TMEM209: variants seen among roughly 807,000 people sequenced by gnomAD.
TMEM209 encodes the protein transmembrane protein 209, also known as testicular tissue protein Li 202.
TMEM209 carries 65 observed loss-of-function variants against 76.2 expected under a neutral mutation model. The observed-to-expected ratio is 0.85, with a 90% CI of 0.70 to 1.05. The LOEUF (loss-of-function observed/expected upper bound fraction) is 1.05. Among genes scored for constraint, TMEM209 ranks in the 50% least tolerant of loss-of-function variants. TMEM209 has a pLI of 0.00. For synonymous variants in TMEM209, 239 were observed against 237.6 expected, an observed-to-expected ratio of 1.01 and a Z score of -0.06; for missense variants, 623 against 685.5, an observed-to-expected ratio of 0.91 and a Z score of 1.02.
At chr7:130,204,348 T>C (rs917684697) in intron 1 of TMEM209, among the ~76,000 whole-genome samples, 22 of 152,148 alleles carry the variant, frequency 1.4e-4, no homozygotes, top group African/African-American at 5.1e-4. Flanking sequence ...GTTATTTATC[T>C]ATTTATTTGT....
At chr7:130,168,900 A>G (rs186212729) in intron 14 of TMEM209, among the ~76,000 whole-genome samples, 96 of 152,336 alleles carry the variant, frequency 6.3e-4, no homozygotes, top group Non-Finnish European at 1.1e-3. Flanking sequence ...ATGCCTCAAT[A>G]AAGTTAGTTT....
intron 5 of TMEM209, among the ~76,000 whole-genome samples, chr7:130,197,445 G>T (rs1798026500): frequency 6.6e-6 from 1 of 152,204 alleles, no homozygotes. Context: ...AACAGTGGTT[G>T]CCAGAGACTT....
chr7:130,194,957 T>C (rs1410185049), intron 5 of TMEM209, among the ~76,000 whole-genome samples: 1 of 152,162 alleles, frequency 6.6e-6, no homozygotes, highest in Non-Finnish European at 1.5e-5. Context: ...GATTTCTCTT[T>C]TATTTTTAAA....
At chr7:130,185,104 A>G (rs1030549008) in intron 7 of TMEM209, 88 bp downstream of exon 7, 36 of 1,400,852 alleles carry the variant, frequency 2.6e-5, no homozygotes, top group Non-Finnish European at 3.4e-5. Context: ...AACAGAATGG[A>G]AGATTACAGA....
chr7:130,183,434 C>A (rs998695768), intron 8 of TMEM209, among the ~76,000 whole-genome samples: 3 of 152,146 alleles, frequency 2.0e-5, no homozygotes, highest in African/African-American at 4.8e-5. Flanking sequence ...AGTAGGCTAC[C>A]ATTTTTTGCC....
At position 130,202,011 on chromosome 7, in the gene TMEM209, T is replaced by C; in HGVS notation, c.412A>G (p.Ser138Gly). 6.2e-7 allele frequency: 1 copy of C among 1,613,720 alleles called. No homozygotes were observed. The highest frequency in any genetic ancestry group is 8.5e-7 in the Non-Finnish European group (1 of 1,179,812). The change falls in exon 5 of 15, where the codon AGT becomes GGT. Residue 138 changes from serine (S) to glycine (G), a missense_variant. By Grantham distance (56) the Ser-to-Gly change is moderately conservative. Transcript: ENST00000397622. ...APPSPSIQGQ[S>G]VLSYSPSRSP... ...CGAGAAGGGCTATAACTCAACACAC[T>C]CTGACCCTGAATTGAAGGGGAAGGT...
chr7:130,198,126 T>C (rs1798053638), intron 5 of TMEM209, among the ~76,000 whole-genome samples: 1 of 152,238 alleles, frequency 6.6e-6, no homozygotes, highest in South Asian at 2.1e-4. Flanking sequence ...TTTATAGATT[T>C]GCCCATTCTG....
intron 5 of TMEM209, among the ~76,000 whole-genome samples, chr7:130,200,976 C>A (rs1163534346): frequency 6.7e-6 from 1 of 149,800 alleles, no homozygotes; most frequent in East Asian, 2.0e-4. Context: ...GTAGTCCCAG[C>A]TACTCGGGAG....
chr7:130,168,822 T>C (rs1401282085), intron 14 of TMEM209, among the ~76,000 whole-genome samples: 1 of 152,212 alleles, frequency 6.6e-6, no homozygotes, highest in African/African-American at 2.4e-5. Flanking sequence ...TGCTGTGTTA[T>C]TTAAATACTT....
At position 130,170,416 on chromosome 7, in the gene TMEM209, CTT is replaced by C; in HGVS notation, c.1613_1614del (p.Lys538ArgfsTer9). The stretch of plus-strand genomic sequence containing the variant: ...AGTACCTACCCAAGCATTCCTGACT[CTT>C]TGGTCTTTATGATGTAGAGAAACAT... ...LLMFLYIIKT[K>X]ESGMLGRVNL... On this transcript the variant is annotated frameshift_variant, in exon 14 of 15. Coordinates refer to ENST00000397622, the MANE Select transcript of TMEM209 (RefSeq NM_032842.4). LOFTEE classifies it high-confidence loss of function. 1.2e-6 allele frequency: 2 copies of C among 1,612,848 alleles called. No homozygotes were observed. Among genetic ancestry groups the C allele is most frequent in the Non-Finnish European group, 1.7e-6 (2 of 1,179,590 alleles).
chr7:130,172,998 C>CAAAAAA (rs67876495), intron 13 of TMEM209, among the ~76,000 whole-genome samples: 2 of 86,686 alleles, frequency 2.3e-5, no homozygotes, highest in Non-Finnish European at 2.1e-5. Flanking sequence ...GACTCTATCT[C>CAAAAAA]AAAAAAAAAA....
rs768539854 is a variant in TMEM209 at position 130,170,455 on chromosome 7, GA to G, written c.1575del (p.His526IlefsTer4). On this transcript the variant is annotated frameshift_variant, in exon 14 of 15. Coordinates refer to ENST00000397622, the MANE Select transcript of TMEM209 (RefSeq NM_032842.4). LOFTEE classifies it high-confidence loss of function. ...ATGTAGAGAAACATCAACAATGTAT[GA>G]AACATATTATTTCTGCCCTGGAACA... is the stretch of plus-strand genomic sequence containing the variant. Reference protein sequence around the residue: ...YNLPKGRNNMFHTLLMFLYII... With the variant: ...YNLPKGRNNMXHTLLMFLYII... 1 of 1,612,408 alleles carries G rather than the reference GA, an allele frequency of 6.2e-7. No individual in the cohort carries two copies. The highest frequency in any genetic ancestry group is 8.5e-7 in the Non-Finnish European group (1 of 1,179,414).
At chr7:130,168,863 T>A (rs981002773) in intron 14 of TMEM209, among the ~76,000 whole-genome samples, 1 of 152,194 alleles carries the variant, frequency 6.6e-6, no homozygotes, top group Non-Finnish European at 1.5e-5. Flanking sequence ...TTTCATAATT[T>A]AAAAATAAAA....
intron 5 of TMEM209, among the ~76,000 whole-genome samples, chr7:130,198,604 T>C (rs1798077229): frequency 2.6e-5 from 4 of 152,080 alleles, no homozygotes; most frequent in Admixed American, 2.6e-4. Flanking sequence ...AGAGTGAAAC[T>C]CTGTCTCAAA....
intron 1 of TMEM209, 115 bp downstream of exon 1, chr7:130,205,258 G>A (rs1385091463): frequency 9.3e-6 from 15 of 1,608,372 alleles, no homozygotes; most frequent in Non-Finnish European, 1.3e-5. Flanking sequence ...TAGAGAGGCG[G>A]AACGCCTAGC....
chr7:130,182,815 T>C (rs1002422637), intron 8 of TMEM209, among the ~76,000 whole-genome samples: 1 of 152,224 alleles, frequency 6.6e-6, no homozygotes, highest in Non-Finnish European at 1.5e-5. Context: ...AAAAGATTTC[T>C]TGTAATCCAT....
chr7:130,183,432 A>G (rs554826834), intron 8 of TMEM209, among the ~76,000 whole-genome samples: 28 of 152,332 alleles, frequency 1.8e-4, no homozygotes, highest in African/African-American at 6.5e-4. Flanking sequence ...AAAGTAGGCT[A>G]CCATTTTTTG....
intron 6 of TMEM209, among the ~76,000 whole-genome samples, chr7:130,190,440 C>T (rs554888384): frequency 1.4e-3 from 219 of 151,736 alleles, no homozygotes; most frequent in African/African-American, 5.0e-3. Flanking sequence ...ATCGCTTGAA[C>T]CTGGGAGGCA....
At position 130,173,952 on chromosome 7, in the gene TMEM209, A is replaced by C. The variant is rs775396249; in HGVS notation, c.1345-13T>G. On this transcript the variant is annotated splice_polypyrimidine_tract_variant and intron_variant, in intron 11 of 14. Transcript: ENST00000397622. ...CATGCATGATGATCTGAGGATGAAG[A>C]AATAATTTTTTTTTAAGTCAGCATG... 1.3e-6 allele frequency: 2 copies of C among 1,568,784 alleles called. No individual in the cohort carries two copies. The highest frequency in any genetic ancestry group is 1.8e-6 in the Non-Finnish European group (2 of 1,139,386).
Sources: gnomAD v4.1 joint callset for allele counts (sites outside exome capture counted in the v4.1 genomes callset) on GRCh38, gnomAD v4.1.1 for gene constraint, MANE v1.5 for transcripts, NCBI Gene and HGNC (gene_info 2026-07-23, HGNC 2026-07-21) for gene names.